Variants in TNR observed in about 807,000 individuals in gnomAD.
The protein encoded by TNR is tenascin-R.
Under a neutral mutation model 150.4 loss-of-function variants are expected in TNR, and 45 were observed. That is an observed-to-expected ratio of 0.30 (90% CI 0.24 to 0.38). TNR has a LOEUF of 0.38. Ranked by LOEUF, TNR falls within the 10% of genes least tolerant of loss-of-function variation. The pLI is 1.00. For synonymous variants in TNR, 687 were observed against 678.4 expected, an observed-to-expected ratio of 1.01 and a Z score of -0.20; for missense variants, 1,544 against 1,759.1, an observed-to-expected ratio of 0.88 and a Z score of 2.19.
At chr1:175,578,770 T>A (rs548933847) in intron 1 of TNR, among the ~76,000 whole-genome samples, 7 of 152,286 alleles carry the variant, frequency 4.6e-5, no homozygotes, top group African/African-American at 1.4e-4. Context: ...TGAGAAGAAT[T>A]TAAATGAGAG....
rs207460641 is a variant in TNR, at chr1:175,379,596, A to T, written c.1919T>A (p.Leu640Gln). ...GGTTGGACCAATGCCCCTGGGGACC[A>T]GTACCTCATGATATTGCTCACCCGC... is the stretch of plus-strand genomic sequence containing the variant. The part of the protein sequence containing the change: ...TLAGEQYHEV[L>Q]VPRGIGPTTR... Residue 640 changes from leucine to glutamine, a missense_variant, in exon 9 of 23, where the codon CTG (leucine) becomes CAG (glutamine). Leu to Gln is a moderately radical substitution (Grantham distance 113, BLOSUM62 -2). Transcript: ENST00000367674. The T allele has an allele frequency of 1.2e-6, 2 of 1,614,060 alleles. No individual in the cohort carries two copies. Among genetic ancestry groups the T allele is most frequent in the Non-Finnish European group, 1.7e-6 (2 of 1,180,020 alleles).
rs1366710466 is a variant in TNR, at chr1:175,323,412, C to T, written c.4022G>A (p.Arg1341His). The T allele has an allele frequency of 5.6e-6, 9 of 1,614,048 alleles. No homozygotes were observed. Among genetic ancestry groups the T allele is most frequent in the Non-Finnish European group, 7.6e-6 (9 of 1,179,970 alleles). The change falls in exon 23 of 23, where the codon CGC becomes CAC. Residue 1341 changes from arginine (R) to histidine (H), a missense_variant. Arg to His is a conservative substitution (Grantham distance 29, BLOSUM62 0). Coordinates refer to ENST00000367674, the MANE Select transcript of TNR (RefSeq NM_003285.3). ...TGCCATGAGACGGTGGTTGTAGGGG[C>T]GCATCTTCATTTCCACAAAGGGGAT... ...FSIPFVEMKMRPYNHRLMAGR... is the reference protein window; with the variant it reads ...FSIPFVEMKMHPYNHRLMAGR...
chr1:175,673,487 A>C lies in TNR; in HGVS notation c.-165+69739T>G, dbSNP rs536284305. ...CAGTTAAGTGTTTGCTTTATGTGGA[A>C]GTAAAGGGGCAAGCATATGTAGGGT... On this transcript the variant is annotated intron_variant, in intron 1 of 22. Coordinates refer to ENST00000367674, the MANE Select transcript of TNR (RefSeq NM_003285.3). 7.2e-4 allele frequency among the ~76,000 whole-genome samples: 110 copies of C among 152,346 alleles called. 1 individual carries two copies. Among genetic ancestry groups the C allele is most frequent in the African/African-American group, 2.5e-3 (104 of 41,578 alleles).
intron 1 of TNR, among the ~76,000 whole-genome samples, chr1:175,622,196 A>T (rs1404739653): frequency 6.6e-6 from 1 of 152,214 alleles, no homozygotes; most frequent in African/African-American, 2.4e-5. Context: ...TGAGTCTTGG[A>T]GACTCTGAAT....
Position 175,392,513 on chromosome 1 carries a change from G to T in TNR, c.1357-1075C>A, listed in dbSNP as rs555292310. ...GGTATAGGTAACAGGAGAACCTGGC[G>T]TAATTTTTCTTCCTGAAAAACATTG... On this transcript the variant is annotated intron_variant, in intron 6 of 22. Coordinates refer to ENST00000367674, the MANE Select transcript of TNR (RefSeq NM_003285.3). Among the ~76,000 whole-genome samples, 570 of 152,278 alleles carry T rather than the reference G, an allele frequency of 3.7e-3. 4 individuals carry two copies. The highest frequency in any genetic ancestry group is 6.4e-3 in the Non-Finnish European group (436 of 68,030).
chr1:175,420,753 A>G (rs1654714841), intron 2 of TNR, among the ~76,000 whole-genome samples: 1 of 152,180 alleles, frequency 6.6e-6, no homozygotes, highest in Non-Finnish European at 1.5e-5. Context: ...TTTACAGATG[A>G]GTAAACTAAG....
At chr1:175,486,094 C>T (rs981397779) in intron 2 of TNR, among the ~76,000 whole-genome samples, 5 of 151,042 alleles carry the variant, frequency 3.3e-5, no homozygotes, top group Non-Finnish European at 7.4e-5. Flanking sequence ...TGAAACTGTT[C>T]CACCTCAGAA....
rs972253930 is a variant in TNR, at chr1:175,599,566, C to T, written c.-164-71197G>A. The stretch of plus-strand genomic sequence containing the variant: ...TGGGGTCTCTGCTGGGCTAGTGTCC[C>T]GCATCAGCGGTAATGGGGCCGGCCC... On this transcript the variant is annotated intron_variant, in intron 1 of 22. Transcript: ENST00000367674. The surrounding 1 kb of genome is among the most constrained non-coding windows in gnomAD (Gnocchi z 4.7). Among the ~76,000 whole-genome samples the T allele has an allele frequency of 6.6e-6, 1 of 152,226 alleles. No individual in the cohort carries two copies. The highest frequency in any genetic ancestry group is 1.5e-5 in the Non-Finnish European group (1 of 68,036).
chr1:175,559,032 G>A (rs1661307336), intron 1 of TNR, among the ~76,000 whole-genome samples: 1 of 152,124 alleles, frequency 6.6e-6, no homozygotes, highest in East Asian at 1.9e-4. Context: ...GGACACATGG[G>A]AAGTGTCTGT....
chr1:175,406,823 T>G, intron 2 of TNR, 46 bp from the exon 3 acceptor site: 2 of 1,422,914 alleles, frequency 1.4e-6, no homozygotes, highest in Non-Finnish European at 1.9e-6. Context: ...GACCTATGCC[T>G]TGGCACCATG....
At chr1:175,457,395 C>G (rs572400145) in intron 2 of TNR, among the ~76,000 whole-genome samples, 51 of 152,340 alleles carry the variant, frequency 3.3e-4, no homozygotes, top group African/African-American at 1.2e-3. Context: ...CACATGCAGG[C>G]AGATTGCTAA....
chr1:175,320,604 G>A lies in TNR; in HGVS notation c.*2753C>T, dbSNP rs571907117. ...CCATTTCAACTTCCTTGATGAAGTGGGCGTGCTGGCACCACCCAGGTACCT... is the reference window on the plus strand; with the variant it reads ...CCATTTCAACTTCCTTGATGAAGTGAGCGTGCTGGCACCACCCAGGTACCT... On this transcript the variant is annotated 3_prime_UTR_variant, in exon 23 of 23. Coordinates refer to ENST00000367674, the MANE Select transcript of TNR (RefSeq NM_003285.3). 1 of 151,948 alleles carries A rather than the reference G, an allele frequency of 6.6e-6. No individual in the cohort carries two copies. Among genetic ancestry groups the A allele is most frequent in the African/African-American group, 2.4e-5 (1 of 41,356 alleles). The allele number at this position is 151,948 out of a possible 1,614,324, so 9.4% of individuals were successfully genotyped here.
At chr1:175,564,499 A>G (rs1229964095) in intron 1 of TNR, among the ~76,000 whole-genome samples, 3 of 152,238 alleles carry the variant, frequency 2.0e-5, no homozygotes, top group African/African-American at 7.2e-5. Flanking sequence ...AATGGTACCT[A>G]GAGGCTCAGA....
chr1:175,496,746 G>A (rs1658505187), intron 2 of TNR, among the ~76,000 whole-genome samples: 1 of 152,192 alleles, frequency 6.6e-6, no homozygotes, highest in Non-Finnish European at 1.5e-5. Flanking sequence ...GGACACAGGA[G>A]TTCTCATCTA....
In TNR at chr1:175,332,245, T is replaced by C. The variant is rs1158762448; in HGVS notation, c.3632-2010A>G. On this transcript the variant is annotated intron_variant, in intron 20 of 22. Transcript: ENST00000367674. ...GACTGATGTGGAGAGGTTCAAAAGCTTGGCCTCCTTGTCTAAGTGGTGACC... is the reference window on the plus strand; with the variant it reads ...GACTGATGTGGAGAGGTTCAAAAGCCTGGCCTCCTTGTCTAAGTGGTGACC... Among the ~76,000 whole-genome samples, 11 of 152,178 alleles carry C rather than the reference T, an allele frequency of 7.2e-5. No individual in the cohort carries two copies. In the East Asian group the frequency reaches 2.1e-3, roughly 29 times the overall value.
At chr1:175,351,737 C>T (rs1651061169) in intron 18 of TNR, among the ~76,000 whole-genome samples, 1 of 152,206 alleles carries the variant, frequency 6.6e-6, no homozygotes, top group African/African-American at 2.4e-5. Context: ...GAGTGACTTA[C>T]ATTTAAATTT....
At chr1:175,573,312 C>G (rs1207702339) in intron 1 of TNR, among the ~76,000 whole-genome samples, 2 of 152,220 alleles carry the variant, frequency 1.3e-5, no homozygotes, top group Admixed American at 1.3e-4. Flanking sequence ...GCCCACCCTC[C>G]CTCAGAGCCC....
intron 2 of TNR, among the ~76,000 whole-genome samples, chr1:175,479,810 G>A (rs1040651994): frequency 5.9e-5 from 9 of 152,054 alleles, no homozygotes; most frequent in African/African-American, 1.9e-4. Context: ...CCTCCCAGCT[G>A]CTGTGGGTAG....
chr1:175,721,890 C>T (rs1370939216), intron 1 of TNR, among the ~76,000 whole-genome samples: 2 of 147,552 alleles, frequency 1.4e-5, no homozygotes, highest in Non-Finnish European at 3.0e-5. Context: ...GATGTGCTTC[C>T]CCTCTCTTGC....
Sources: allele counts gnomAD v4.1 joint callset (sites outside exome capture counted in the v4.1 genomes callset), GRCh38; gene constraint gnomAD v4.1.1; non-coding constraint Gnocchi (gnomAD v3.1); transcripts MANE v1.5; gene names NCBI Gene and HGNC (gene_info 2026-07-23, HGNC 2026-07-21).